Variants in DNTTIP2 observed in about 807,000 individuals in gnomAD.
DNTTIP2 encodes deoxynucleotidyltransferase terminal interacting protein 2, also known as deoxynucleotidyltransferase terminal-interacting protein 2.
Under a neutral mutation model 62.4 loss-of-function variants are expected in DNTTIP2, and 47 were observed. The observed-to-expected ratio is 0.75, with a 90% CI of 0.60 to 0.96. The LOEUF (loss-of-function observed/expected upper bound fraction) is 0.96, where lower values mean the gene tolerates loss of function less well. Ranked by LOEUF, DNTTIP2 falls within the 40% of genes least tolerant of loss-of-function variation. The pLI is 0.00. For missense variants in DNTTIP2, 870 were observed against 849.1 expected (o/e 1.02, Z -0.31); for synonymous variants, 322 against 300.9 (o/e 1.07, Z -0.73).
chr1:93,869,720 C>T lies in DNTTIP2; in HGVS notation c.*131G>A. 1.7e-6 allele frequency: 1 copy of T among 594,240 alleles called. No individual in the cohort carries two copies. The highest frequency in any genetic ancestry group is 3.1e-6 in the Non-Finnish European group (1 of 324,888). 36.8% of individuals were successfully genotyped at this position (594,240 alleles called of 1,614,324 possible). The stretch of plus-strand genomic sequence containing the variant: ...AATCGATTCTCAAATCAACTTTTTC[C>T]AAATACAAATTCCTGTATGAACAGG... On this transcript the variant is annotated 3_prime_UTR_variant, in exon 7 of 7. Coordinates refer to ENST00000436063, the MANE Select transcript of DNTTIP2 (RefSeq NM_014597.5).
At chr1:93,871,384 T>C (rs1655858597) in intron 5 of DNTTIP2, among the ~76,000 whole-genome samples, 1 of 152,206 alleles carries the variant, frequency 6.6e-6, no homozygotes, top group African/African-American at 2.4e-5. Context: ...ATAGACGCTC[T>C]GAAGACAAAG....
At position 93,876,394 on chromosome 1, in the gene DNTTIP2, A is replaced by ACCTCACTT; in HGVS notation, c.1533_1540dup (p.Val514GlufsTer39). On this transcript the variant is annotated frameshift_variant, in exon 2 of 7. Coordinates refer to ENST00000436063, the MANE Select transcript of DNTTIP2 (RefSeq NM_014597.5). LOFTEE classifies it high-confidence loss of function. ...CTCTTCTTTTTCTTCCTCAATGGCA[A>ACCTCACTT]CCTCACTTGCCTTGTCTTCCTCTTC... 6.2e-7 allele frequency: 1 copy of ACCTCACTT among 1,601,702 alleles called. No homozygotes were observed. Among genetic ancestry groups the ACCTCACTT allele is most frequent in the Non-Finnish European group, 8.5e-7 (1 of 1,173,378 alleles).
chr1:93,875,832 A>C lies in DNTTIP2; in HGVS notation c.1668-49T>G, dbSNP rs750109852. On this transcript the variant is annotated intron_variant, in intron 2 of 6. Transcript: ENST00000436063. ...AGATCAAGTAATTAAATCAAAATGG[A>C]AACATATAAGATGGCATTTTAAAAA... The C allele has an allele frequency of 5.8e-6, 9 of 1,556,884 alleles. No individual in the cohort carries two copies. The African/African-American group carries it at 8.2e-5, about 14-fold the overall frequency.
Position 93,877,652 on chromosome 1 carries a change from A to C in DNTTIP2, c.283T>G (p.Ser95Ala). ...GETSEAESNY[S>A]VSEHHDTILR... is the part of the protein sequence containing the mutation. Reference sequence around the variant, plus strand: ...ATGGTATCATGGTGCTCAGACACAGAATAATTTGACTCTGCCTCAGAGGTT... The same window carrying C: ...ATGGTATCATGGTGCTCAGACACAGCATAATTTGACTCTGCCTCAGAGGTT... The change falls in exon 2 of 7, where the codon TCT (serine) becomes GCT (alanine). Residue 95 changes from serine to alanine, a missense_variant. Transcript: ENST00000436063. 6.2e-7 allele frequency: 1 copy of C among 1,613,958 alleles called. No homozygotes were observed. Among genetic ancestry groups the C allele is most frequent in the South Asian group, 1.1e-5 (1 of 91,074 alleles).
intron 4 of DNTTIP2, among the ~76,000 whole-genome samples, chr1:93,872,533 T>C (rs993239878): frequency 6.6e-6 from 1 of 152,208 alleles, no homozygotes; most frequent in Non-Finnish European, 1.5e-5. Flanking sequence ...ACTTCAATTT[T>C]TATTGTCTAA....
intron 3 of DNTTIP2, 167 bp from the exon 4 acceptor site, chr1:93,873,381 C>A: frequency 2.0e-6 from 1 of 506,612 alleles, no homozygotes; most frequent in Non-Finnish European, 3.5e-6. Flanking sequence ...CACTTGAGGC[C>A]AGGAGTTTTA....
chr1:93,873,405 A>C (rs1164161444), intron 3 of DNTTIP2, 191 bp from the exon 4 acceptor site: 1 of 469,164 alleles, frequency 2.1e-6, no homozygotes, highest in African/African-American at 2.1e-5. Context: ...CACCTTGGTC[A>C]ACATAGCAAG....
Position 93,875,732 on chromosome 1 carries a change from C to A in DNTTIP2, c.1719G>T (p.Leu573Phe). The A allele has an allele frequency of 6.2e-7, 1 of 1,613,254 alleles. No homozygotes were observed. Among genetic ancestry groups the A allele is most frequent in the Non-Finnish European group, 8.5e-7 (1 of 1,179,692 alleles). Residue 573 changes from leucine to phenylalanine, a missense_variant, in exon 3 of 7, where the codon TTG becomes TTT. Physicochemically the swap from Leu to Phe is conservative, Grantham distance 22. Transcript: ENST00000436063. ...SIDPGLSIKQ[L>F]GGLYINFNAD... ...CATTAAAATTAATATACAAACCACC[C>A]AACTGCTTGATACTCAGACCAGGGT...
chr1:93,878,957 G>C (rs1230865247), intron 1 of DNTTIP2, 120 bp downstream of exon 1: 2 of 1,321,444 alleles, frequency 1.5e-6, no homozygotes, highest in Non-Finnish European at 2.0e-6. Context: ...CCAAGCGCGC[G>C]GCAAGCTCGG....
At chr1:93,874,614 T>C (rs548835457) in intron 3 of DNTTIP2, among the ~76,000 whole-genome samples, 14 of 152,168 alleles carry the variant, frequency 9.2e-5, no homozygotes, top group African/African-American at 2.7e-4. Flanking sequence ...GAGAGGTACT[T>C]TGAAGGATTC....
Position 93,876,964 on chromosome 1 carries a change from G to A in DNTTIP2, c.971C>T (p.Ser324Phe), listed in dbSNP as rs1557719463. 6.2e-7 allele frequency: 1 copy of A among 1,613,112 alleles called. No individual in the cohort carries two copies. Among genetic ancestry groups the A allele is most frequent in the South Asian group, 1.1e-5 (1 of 90,928 alleles). ...NEKSSQLKNL[S>F]ELQDTSLQQL... ...TTGAAGGCTAGTGTCCTGAAGTTCA[G>A]AAAGATTCTTCAGCTGAGAACTTTT... The change falls in exon 2 of 7, where the codon TCT becomes TTT. Residue 324 changes from serine to phenylalanine, a missense_variant. Physicochemically the swap from Ser to Phe is radical, Grantham distance 155. Transcript: ENST00000436063.
Position 93,869,728 on chromosome 1 carries a change from A to G in DNTTIP2, c.*123T>C, listed in dbSNP as rs1655809463. ...CTCAAATCAACTTTTTCCAAATACA[A>G]ATTCCTGTATGAACAGGGCCAGTCT... On this transcript the variant is annotated 3_prime_UTR_variant, in exon 7 of 7. Coordinates refer to ENST00000436063, the MANE Select transcript of DNTTIP2 (RefSeq NM_014597.5). 2 of 604,516 alleles carry G rather than the reference A, an allele frequency of 3.3e-6. No individual in the cohort carries two copies. The highest frequency in any genetic ancestry group is 6.0e-6 in the Non-Finnish European group (2 of 330,768). 37.4% of individuals were successfully genotyped at this position (604,516 alleles called of 1,614,324 possible).
intron 4 of DNTTIP2, among the ~76,000 whole-genome samples, 183 bp from the exon 5 acceptor site, chr1:93,872,419 C>T (rs992625236): frequency 6.6e-6 from 1 of 152,212 alleles, no homozygotes; most frequent in South Asian, 2.1e-4. Flanking sequence ...GTGACTTCTC[C>T]GCTAAATTAG....
At chr1:93,878,466 T>C (rs1656072870) in intron 1 of DNTTIP2, 2 of 154,226 alleles carry the variant, frequency 1.3e-5, no homozygotes, top group South Asian at 2.0e-4. Context: ...GACCCACCTA[T>C]AGAAGAGGGG....
In DNTTIP2 at chr1:93,876,294, G is replaced by A. The variant is rs1004365473; in HGVS notation, c.1641C>T (p.Asp547=). The change falls in exon 2 of 7, where the codon GAC becomes GAT. Residue 547 remains aspartate, a synonymous_variant. Transcript: ENST00000436063. ...ENEDEFSDEE[D]FLNSTKAKLL... ...GTTTAGCCTTTGTGCTATTTAGGAAGTCTTCTTCATCACTAAACTCATCTT... is the reference window on the plus strand; with the variant it reads ...GTTTAGCCTTTGTGCTATTTAGGAAATCTTCTTCATCACTAAACTCATCTT... 2 of 1,545,052 alleles carry A rather than the reference G, an allele frequency of 1.3e-6. No individual in the cohort carries two copies. The highest frequency in any genetic ancestry group is 1.7e-6 in the Non-Finnish European group (2 of 1,144,544).
intron 3 of DNTTIP2, 192 bp from the exon 4 acceptor site, chr1:93,873,406 A>C: frequency 2.1e-6 from 1 of 465,306 alleles, no homozygotes; most frequent in East Asian, 4.0e-5. Flanking sequence ...ACCTTGGTCA[A>C]CATAGCAAGA....
intron 4 of DNTTIP2, 73 bp from the exon 5 acceptor site, chr1:93,872,309 A>G: frequency 7.0e-7 from 1 of 1,433,704 alleles, no homozygotes; most frequent in Non-Finnish European, 9.4e-7. Context: ...CCCCTGAAGT[A>G]ACACATACAG....
chr1:93,871,165 G>A (rs1051123630), intron 5 of DNTTIP2, among the ~76,000 whole-genome samples: 3 of 152,142 alleles, frequency 2.0e-5, no homozygotes, highest in Non-Finnish European at 4.4e-5. Flanking sequence ...CACAAAGGCT[G>A]CCAGTTTGGC....
In DNTTIP2 at chr1:93,877,114, G is replaced by A. The variant is rs1057114196; in HGVS notation, c.821C>T (p.Ser274Leu). The change falls in exon 2 of 7, where the codon TCA becomes TTA. Residue 274 changes from serine to leucine, a missense_variant. Transcript: ENST00000436063. ...TTCGTGCACTGTTAATATATTTTCT[G>A]AACTTCTGTGGGAGAAATCATCATC... ...DFDDDFSHRS[S>L]ENILTVHEQA... The A allele has an allele frequency of 4.3e-6, 7 of 1,611,280 alleles. No homozygotes were observed. The African/African-American group carries it at 6.7e-5, about 15-fold the overall frequency.
Sources: allele counts gnomAD v4.1 joint callset (sites outside exome capture counted in the v4.1 genomes callset), GRCh38; gene constraint gnomAD v4.1.1; transcripts MANE v1.5; gene names NCBI Gene and HGNC (gene_info 2026-07-23, HGNC 2026-07-21).